OTUD4: variants seen among roughly 807,000 people sequenced by gnomAD.
OTUD4 encodes OTU deubiquitinase 4, also known as OTU domain-containing protein 4.
OTUD4 carries 24 observed loss-of-function variants against 130.4 expected under a neutral mutation model. The ratio of observed to expected loss-of-function variants is 0.18; its 90% CI spans 0.13 to 0.26. OTUD4 has a LOEUF of 0.26. Ranked by LOEUF, OTUD4 falls within the 10% of genes least tolerant of loss-of-function variation. The pLI is 1.00. For synonymous variants in OTUD4, 420 were observed against 472.5 expected, an observed-to-expected ratio of 0.89 and a Z score of 1.44; for missense variants, 1,031 against 1,329.4, an observed-to-expected ratio of 0.78 and a Z score of 3.49.
In OTUD4 at chr4:145,134,915, T is replaced by C. The variant is rs1298250644; in HGVS notation, c.*2515A>G. 15 of 398,740 alleles carry C rather than the reference T, an allele frequency of 3.8e-5. No homozygotes were observed. The highest frequency in any genetic ancestry group is 6.2e-5 in the Non-Finnish European group (14 of 225,914). 24.7% of individuals were successfully genotyped at this position (398,740 alleles called of 1,614,324 possible). A position where few individuals can be genotyped will look rare whatever the true frequency, so the allele number is the denominator to read the frequency against. ...AGTTTCATAATTTCCAACTCAAAAA[T>C]ACAAATGATCCTCAGTTCTATACTT... is the stretch of plus-strand genomic sequence containing the variant. On this transcript the variant is annotated 3_prime_UTR_variant, in exon 21 of 21. Transcript: ENST00000447906.
At position 145,138,476 on chromosome 4, in the gene OTUD4, G is replaced by T. The variant is rs1298289943; in HGVS notation, c.2299C>A (p.His767Asn). The T allele has an allele frequency of 4.3e-6, 7 of 1,613,892 alleles. No individual in the cohort carries two copies. The Admixed American group carries it at 8.3e-5, about 19-fold the overall frequency. ...NESDCTCTDAHFPMQTEASVN... is the reference protein window; with the variant it reads ...NESDCTCTDANFPMQTEASVN... ...CTGGCCTCAGTCTGCATAGGAAAGTGGGCATCAGTACAGGTACAATCACTT... is the reference window on the plus strand; with the variant it reads ...CTGGCCTCAGTCTGCATAGGAAAGTTGGCATCAGTACAGGTACAATCACTT... The change falls in exon 21 of 21, where the codon CAC becomes AAC. Residue 767 changes from histidine to asparagine, a missense_variant. This residue lies in a region of OTUD4 where 900 missense variants were observed against 1,095.9 expected (regional missense o/e 0.82). Coordinates refer to ENST00000447906, the MANE Select transcript of OTUD4 (RefSeq NM_001366057.1).
At position 145,134,756 on chromosome 4, in the gene OTUD4, G is replaced by A; in HGVS notation, c.*2674C>T. On this transcript the variant is annotated 3_prime_UTR_variant, in exon 21 of 21. Coordinates refer to ENST00000447906, the MANE Select transcript of OTUD4 (RefSeq NM_001366057.1). ...TGGGGCAAGAGTTGAAGATTTGAGA[G>A]GAAATGAAGAGACATACACAACACC... 1 of 398,890 alleles carries A rather than the reference G, an allele frequency of 2.5e-6. No homozygotes were observed. The highest frequency in any genetic ancestry group is 4.4e-6 in the Non-Finnish European group (1 of 226,014). The allele number at this position is 398,890 out of a possible 1,614,324, so 24.7% of individuals were successfully genotyped here.
intron 10 of OTUD4, among the ~76,000 whole-genome samples, chr4:145,154,847 G>C (rs1282198997): frequency 6.6e-6 from 1 of 151,956 alleles, no homozygotes; most frequent in African/African-American, 2.4e-5. Flanking sequence ...TGGTGGTGGG[G>C]GGCGGGGGGC....
chr4:145,140,234 T>C (rs992001024), intron 19 of OTUD4, among the ~76,000 whole-genome samples: 5 of 152,184 alleles, frequency 3.3e-5, no homozygotes, highest in East Asian at 1.9e-4. Flanking sequence ...ATGGCTTAGA[T>C]TGAAATTTTT....
At chr4:145,176,029 T>C (rs1266310933) in intron 1 of OTUD4, among the ~76,000 whole-genome samples, 1 of 148,836 alleles carries the variant, frequency 6.7e-6, no homozygotes, top group East Asian at 2.3e-4. Context: ...GTCCGGCTAA[T>C]TTTTCTTTCT....
chr4:145,146,384 T>G lies in OTUD4; in HGVS notation c.1305A>C (p.Arg435=), dbSNP rs770169644. Residue 435 remains arginine (R), a synonymous_variant, in exon 14 of 21, where the codon CGA becomes CGC. Coordinates refer to ENST00000447906, the MANE Select transcript of OTUD4 (RefSeq NM_001366057.1). ...ERVEDFDHTS[R]ESNYFGLSPE... is the part of the protein sequence containing the mutation. ...GGGAAAGGCCGAAATAGTTAGATTC[T>G]CGACTTGTGTGATCAAAATCCTCAA... The G allele has an allele frequency of 1.3e-6, 2 of 1,582,400 alleles. No individual in the cohort carries two copies. The highest frequency in any genetic ancestry group is 1.7e-4 in the Middle Eastern group (1 of 5,968).
intron 1 of OTUD4, chr4:145,179,613 C>G: frequency 7.2e-7 from 1 of 1,385,100 alleles, no homozygotes; most frequent in East Asian, 3.0e-5. Flanking sequence ...CGTTAATTTG[C>G]GGGCTTTCGA....
At chr4:145,159,323 T>C (rs1579269653) in intron 7 of OTUD4, 180 bp downstream of exon 7, 3 of 1,424,378 alleles carry the variant, frequency 2.1e-6, no homozygotes, top group African/African-American at 1.4e-5. Flanking sequence ...AACAGTCCCA[T>C]AATAGAAATT....
rs754704361 is a variant in OTUD4, at chr4:145,174,641, T to C, written c.243+20A>G. 7.3e-7 allele frequency: 1 copy of C among 1,379,052 alleles called. No individual in the cohort carries two copies. Among genetic ancestry groups the C allele is most frequent in the Non-Finnish European group, 1.0e-6 (1 of 965,422 alleles). The allele number at this position is 1,379,052 out of a possible 1,614,324, so 85.4% of individuals were successfully genotyped here. A position where few individuals can be genotyped will look rare whatever the true frequency, so the allele number is the denominator to read the frequency against. Reference sequence around the variant, plus strand: ...AAAACCAAGTCAAGACACCATTACATGTTTGAAATTACAAGTTACCGCTTC... The same window carrying C: ...AAAACCAAGTCAAGACACCATTACACGTTTGAAATTACAAGTTACCGCTTC... On this transcript the variant is annotated intron_variant, in intron 2 of 20. Transcript: ENST00000447906.
intron 7 of OTUD4, among the ~76,000 whole-genome samples, chr4:145,156,520 C>A (rs1751299719): frequency 6.6e-6 from 1 of 152,018 alleles, no homozygotes; most frequent in African/African-American, 2.4e-5. Context: ...CCCATCTCTA[C>A]TAAAAATACA....
Position 145,147,268 on chromosome 4 carries a change from GAAAT to G in OTUD4, c.1260-843_1260-840del, listed in dbSNP as rs201446993. On this transcript the variant is annotated intron_variant, in intron 13 of 20. Transcript: ENST00000447906. ...GTTATCTGATTTTTTTTTAACCTCT[GAAAT>G]AAATAGCCATTTCATGTCCTTACAC... 7.0e-3 allele frequency among the ~76,000 whole-genome samples: 1,059 copies of G among 152,012 alleles called. 17 individuals are homozygous for G. Among genetic ancestry groups the G allele is most frequent in the African/African-American group, 0.024 (1,012 of 41,464 alleles).
At chr4:145,168,809 G>T (rs573233269) in intron 3 of OTUD4, among the ~76,000 whole-genome samples, 1 of 152,158 alleles carries the variant, frequency 6.6e-6, no homozygotes, top group Admixed American at 6.5e-5. Context: ...ATTAATCCAA[G>T]AAAAAAGAAA....
Position 145,143,954 on chromosome 4 carries a change from T to C in OTUD4, c.1594A>G (p.Thr532Ala), listed in dbSNP as rs1750702024. The change falls in exon 16 of 21, where the codon ACA becomes GCA. Residue 532 changes from threonine (T) to alanine (A), a missense_variant. This residue lies in a region of OTUD4 where 900 missense variants were observed against 1,095.9 expected (regional missense o/e 0.82). Transcript: ENST00000447906. ...SQLDKRPEPS[T>A]LENITDDKYA... ...GTGTTTAAAACTTTTACCTCCAATGTGCTTGGTTCGGGTCTTTTATCCAAC... is the reference window on the plus strand; with the variant it reads ...GTGTTTAAAACTTTTACCTCCAATGCGCTTGGTTCGGGTCTTTTATCCAAC... 1.2e-6 allele frequency: 2 copies of C among 1,612,078 alleles called. No homozygotes were observed. The highest frequency in any genetic ancestry group is 1.7e-5 in the Admixed American group (1 of 60,000).
intron 4 of OTUD4, among the ~76,000 whole-genome samples, chr4:145,164,919 C>T (rs1313100658): frequency 6.6e-6 from 1 of 151,962 alleles, no homozygotes; most frequent in African/African-American, 2.4e-5. Flanking sequence ...TCTTACAGAA[C>T]ATAGACCGGA....
intron 1 of OTUD4, 169 bp downstream of exon 1, chr4:145,179,646 C>G: frequency 7.1e-7 from 1 of 1,400,648 alleles, no homozygotes; most frequent in South Asian, 1.6e-5. Context: ...ACCTTTCAGA[C>G]GCAAAGCAGC....
At position 145,138,696 on chromosome 4, in the gene OTUD4, G is replaced by A. The variant is rs534270992; in HGVS notation, c.2125-46C>T. 9 of 1,542,110 alleles carry A rather than the reference G, an allele frequency of 5.8e-6. No homozygotes were observed. In the African/African-American group the frequency reaches 8.3e-5, roughly 14 times the overall value. On this transcript the variant is annotated intron_variant, in intron 20 of 20. Transcript: ENST00000447906. ...TAAATAAACAAAAGAGGAGAAAAAA[G>A]AGAGGTTTGGGTGGATATCAATCTA...
intron 6 of OTUD4, among the ~76,000 whole-genome samples, chr4:145,161,958 TTC>T (rs529413472): frequency 7.2e-5 from 11 of 152,284 alleles, no homozygotes; most frequent in South Asian, 6.2e-4. Context: ...TTCCTCCAAT[TTC>T]TCTCTGTTTT....
intron 3 of OTUD4, chr4:145,170,926 G>A (rs1328036285): frequency 1.3e-5 from 2 of 152,200 alleles, no homozygotes; most frequent in Non-Finnish European, 2.9e-5. Flanking sequence ...AGCAGCAGGA[G>A]TTGGTGAGTA....
At chr4:145,157,311 G>C (rs1398098197) in intron 7 of OTUD4, among the ~76,000 whole-genome samples, 2 of 152,168 alleles carry the variant, frequency 1.3e-5, no homozygotes, top group African/African-American at 2.4e-5. Flanking sequence ...CAAGTATCAA[G>C]GGCAAGACCA....
Sources: allele counts gnomAD v4.1 joint callset (sites outside exome capture counted in the v4.1 genomes callset), GRCh38; gene constraint gnomAD v4.1.1; regional missense constraint gnomAD v4.1.1; transcripts MANE v1.5; gene names NCBI Gene and HGNC (gene_info 2026-07-23, HGNC 2026-07-21).